FEM1C: variants seen among roughly 807,000 people sequenced by gnomAD.
The protein encoded by FEM1C is protein fem-1 homolog C.
Under a neutral mutation model 37.6 loss-of-function variants are expected in FEM1C, and 15 were observed. The observed-to-expected ratio is 0.40, with a 90% CI of 0.27 to 0.61. The LOEUF (loss-of-function observed/expected upper bound fraction) is 0.61. Ranked by LOEUF, FEM1C falls within the 20% of genes least tolerant of loss-of-function variation. The pLI is 0.42. For synonymous variants in FEM1C, 287 were observed against 272.8 expected (o/e 1.05, Z -0.51); for missense variants, 532 against 749.7 (o/e 0.71, Z 3.39).
At chr5:115,533,783 T>G (rs1348642432) in intron 2 of FEM1C, among the ~76,000 whole-genome samples, 2 of 151,672 alleles carry the variant, frequency 1.3e-5, no homozygotes, top group Admixed American at 6.6e-5. Flanking sequence ...GAATCTGAGA[T>G]GAAATTAAGG....
At chr5:115,538,279 C>T (rs927483442) in intron 2 of FEM1C, among the ~76,000 whole-genome samples, 12 of 151,940 alleles carry the variant, frequency 7.9e-5, no homozygotes, top group African/African-American at 2.9e-4. Flanking sequence ...TTGCCACATG[C>T]CTACATGAAT....
intron 2 of FEM1C, among the ~76,000 whole-genome samples, chr5:115,537,159 A>G (rs1754146171): frequency 6.6e-6 from 1 of 152,032 alleles, no homozygotes; most frequent in East Asian, 1.9e-4. Context: ...GTCTCTCCCT[A>G]TCTCTTCCAC....
intron 2 of FEM1C, among the ~76,000 whole-genome samples, chr5:115,528,855 A>C (rs1753959410): frequency 6.6e-6 from 1 of 152,140 alleles, no homozygotes; most frequent in African/African-American, 2.4e-5. Flanking sequence ...GAGTTTTTTA[A>C]AATTGAGAAT....
intron 2 of FEM1C, among the ~76,000 whole-genome samples, chr5:115,535,321 A>T (rs1361882889): frequency 6.6e-6 from 1 of 151,188 alleles, no homozygotes; most frequent in Non-Finnish European, 1.5e-5. Context: ...GAGAGAAAAT[A>T]TTTGCAAATG....
chr5:115,527,199 T>C (rs77915408), intron 2 of FEM1C, among the ~76,000 whole-genome samples: 10 of 152,122 alleles, frequency 6.6e-5, no homozygotes, highest in Admixed American at 5.9e-4. Flanking sequence ...AGTTATATGG[T>C]GAGTTACTTC....
chr5:115,533,919 A>T (rs766049234), intron 2 of FEM1C, among the ~76,000 whole-genome samples: 27 of 152,036 alleles, frequency 1.8e-4, no homozygotes, highest in Middle Eastern at 3.4e-3. Flanking sequence ...TTGGAGAAAA[A>T]AAATATTCTG....
At chr5:115,536,163 C>T (rs956334061) in intron 2 of FEM1C, among the ~76,000 whole-genome samples, 3 of 151,676 alleles carry the variant, frequency 2.0e-5, no homozygotes, top group African/African-American at 4.8e-5. Context: ...TGTATAACCC[C>T]GTGAACATAC....
chr5:115,536,196 C>T (rs953172531), intron 2 of FEM1C, among the ~76,000 whole-genome samples: 12 of 152,014 alleles, frequency 7.9e-5, no homozygotes, highest in African/African-American at 2.4e-4. Context: ...GAATTGTATA[C>T]ACTTTAAGTG....
intron 1 of FEM1C, chr5:115,544,229 C>T: frequency 1.0e-6 from 1 of 965,412 alleles, no homozygotes; most frequent in Non-Finnish European, 1.2e-6. Context: ...GCCTTTTAGT[C>T]ATTAACTTCG....
chr5:115,538,348 G>A (rs1754169843), intron 2 of FEM1C, among the ~76,000 whole-genome samples: 2 of 151,864 alleles, frequency 1.3e-5, no homozygotes, highest in African/African-American at 2.4e-5. Context: ...TCCAACTACT[G>A]TCTTACTTTG....
At position 115,542,821 on chromosome 5, in the gene FEM1C, C is replaced by G. The variant is rs1754268464; in HGVS notation, c.544+129G>C. On this transcript the variant is annotated intron_variant, in intron 2 of 2. Coordinates refer to ENST00000274457, the MANE Select transcript of FEM1C (RefSeq NM_020177.3). The stretch of plus-strand genomic sequence containing the variant: ...CATAGAAACACTCAACAAAGTCATA[C>G]TGGAAGACTTACCTAATCAAAACAG... 6 of 1,081,208 alleles carry G rather than the reference C, an allele frequency of 5.5e-6. No individual in the cohort carries two copies. In the South Asian group the frequency reaches 9.7e-5, roughly 17 times the overall value. The allele number at this position is 1,081,208 out of a possible 1,614,324, so 67.0% of individuals were successfully genotyped here.
At chr5:115,544,039 T>C (rs1006098585) in intron 1 of FEM1C, 1 of 985,262 alleles carries the variant, frequency 1.0e-6, no homozygotes, top group African/African-American at 1.7e-5. Flanking sequence ...GGTTCAGAAA[T>C]GTTTCTCTTT....
At chr5:115,534,415 G>A (rs529966133) in intron 2 of FEM1C, among the ~76,000 whole-genome samples, 1 of 151,896 alleles carries the variant, frequency 6.6e-6, no homozygotes, top group Non-Finnish European at 1.5e-5. Flanking sequence ...TGTATTTTGA[G>A]GAAGAACTAG....
Position 115,524,480 on chromosome 5 carries a change from T to TTG in FEM1C, c.1680_1681dup (p.Lys561ThrfsTer14). On this transcript the variant is annotated frameshift_variant, in exon 3 of 3. Coordinates refer to ENST00000274457, the MANE Select transcript of FEM1C (RefSeq NM_020177.3). LOFTEE classifies it high-confidence loss of function. Reference sequence around the variant, plus strand: ...ATCCAGCAAGTCACTAGCAGTTTGTTTGTGCAAGTTTGTGGCATCAAAATG... The same window carrying TTG: ...ATCCAGCAAGTCACTAGCAGTTTGTTTGTGTGCAAGTTTGTGGCATCAAAATG... 6.2e-7 allele frequency: 1 copy of TTG among 1,612,680 alleles called. No homozygotes were observed. The highest frequency in any genetic ancestry group is 2.2e-5 in the East Asian group (1 of 44,862).
At position 115,524,461 on chromosome 5, in the gene FEM1C, C is replaced by A; in HGVS notation, c.1701G>T (p.Leu567Phe). 2 of 1,612,980 alleles carry A rather than the reference C, an allele frequency of 1.2e-6. No homozygotes were observed. The highest frequency in any genetic ancestry group is 1.7e-6 in the Non-Finnish European group (2 of 1,179,452). Residue 567 changes from leucine (L) to phenylalanine (F), a missense_variant, in exon 3 of 3, where the codon TTG becomes TTT. Physicochemically the swap from Leu to Phe is conservative, Grantham distance 22 (BLOSUM62 0). Transcript: ENST00000274457. ...TNLHKQTASD[L>F]LDEKEIAKNL... Reference sequence around the variant, plus strand: ...TTTTAGCTATTTCCTTCTCATCCAGCAAGTCACTAGCAGTTTGTTTGTGCA... The same window carrying A: ...TTTTAGCTATTTCCTTCTCATCCAGAAAGTCACTAGCAGTTTGTTTGTGCA...
At chr5:115,543,713 T>G in intron 1 of FEM1C, 30 bp from the exon 2 acceptor site, 1 of 1,346,320 alleles carries the variant, frequency 7.4e-7, no homozygotes, top group Non-Finnish European at 9.5e-7. Flanking sequence ...GTAGCAGCAT[T>G]TAATTTTCTA....
intron 2 of FEM1C, among the ~76,000 whole-genome samples, chr5:115,528,984 C>T (rs1753961705): frequency 6.6e-6 from 1 of 151,414 alleles, no homozygotes; most frequent in Non-Finnish European, 1.5e-5. Flanking sequence ...AAGGTAAATA[C>T]GATGAAAATA....
intron 2 of FEM1C, among the ~76,000 whole-genome samples, chr5:115,536,650 T>C (rs1754134608): frequency 6.6e-6 from 1 of 151,868 alleles, no homozygotes; most frequent in African/African-American, 2.4e-5. Context: ...TCCCCATGTG[T>C]AGTCTATCAT....
intron 2 of FEM1C, among the ~76,000 whole-genome samples, chr5:115,531,735 T>C (rs1021559860): frequency 2.0e-5 from 3 of 152,146 alleles, no homozygotes; most frequent in African/African-American, 7.2e-5. Context: ...TTTTCATGTG[T>C]CATAAAATAT....
Sources: allele counts gnomAD v4.1 joint callset (sites outside exome capture counted in the v4.1 genomes callset), GRCh38; gene constraint gnomAD v4.1.1; transcripts MANE v1.5; gene names NCBI Gene and HGNC (gene_info 2026-07-23, HGNC 2026-07-21).